EEF2: variants seen among roughly 807,000 people sequenced by gnomAD.
EEF2 encodes the protein eukaryotic translation elongation factor 2, also known as elongation factor 2.
Under a neutral mutation model 85.3 loss-of-function variants are expected in EEF2, and 21 were observed. The ratio of observed to expected loss-of-function variants is 0.25; its 90% CI spans 0.17 to 0.35. The LOEUF is 0.35. Ranked by LOEUF, EEF2 falls within the 10% of genes least tolerant of loss-of-function variation. The probability of loss-of-function intolerance (pLI) is 1.00; values close to 1 mark genes in which losing one functional copy is unlikely to be tolerated. For synonymous variants in EEF2, 723 were observed against 508.8 expected, an observed-to-expected ratio of 1.42 and a Z score of -5.67; for missense variants, 825 against 1,225.3, an observed-to-expected ratio of 0.67 and a Z score of 4.88.
At position 3,985,448 on chromosome 19, in the gene EEF2, G is replaced by A. The variant is rs1228051773; in HGVS notation, c.-68C>T. ...AGCGAGTCGCGCCGAGGATGGCGGC[G>A]ACGACGGCGGAAGAGAACGCTGACG... On this transcript the variant is annotated 5_prime_UTR_variant, in exon 1 of 15. Transcript: ENST00000309311. The A allele has an allele frequency of 2.8e-6, 4 of 1,428,100 alleles. No homozygotes were observed. The highest frequency in any genetic ancestry group is 2.8e-5 in the East Asian group (1 of 36,208). The allele number at this position is 1,428,100 out of a possible 1,614,324, so 88.5% of individuals were successfully genotyped here.
chr19:3,977,734 G>C lies in EEF2; in HGVS notation c.2067+85C>G. On this transcript the variant is annotated intron_variant, in intron 12 of 14. Coordinates refer to ENST00000309311, the MANE Select transcript of EEF2 (RefSeq NM_001961.4). The surrounding 1 kb of genome is among the most constrained non-coding windows in gnomAD (Gnocchi z 5.4). ...GCCTTGCCCGCCTTGGCCCCATTAG[G>C]GTCTCTGTCTCGGGAGGCAGGACCA... is the stretch of plus-strand genomic sequence containing the variant. The C allele has an allele frequency of 6.7e-7, 1 of 1,493,072 alleles. No individual in the cohort carries two copies. The highest frequency in any genetic ancestry group is 2.2e-5 in the Admixed American group (1 of 45,258). 92.5% of individuals were successfully genotyped at this position (1,493,072 alleles called of 1,614,324 possible).
Position 3,983,026 on chromosome 19 carries a change from C to A in EEF2, c.401-8G>T. 6.2e-7 allele frequency: 1 copy of A among 1,612,806 alleles called. No homozygotes were observed. The highest frequency in any genetic ancestry group is 8.5e-7 in the Non-Finnish European group (1 of 1,179,816). On this transcript the variant is annotated splice_polypyrimidine_tract_variant and splice_region_variant and intron_variant, in intron 3 of 14. Transcript: ENST00000309311. The stretch of plus-strand genomic sequence containing the variant: ...CCGTCTGCACGCACACGCCTGGGGA[C>A]ACGGGGGACAGGGCGGCGCTGTCAT...
In EEF2 at chr19:3,982,325, C is replaced by A. The variant is rs575523824; in HGVS notation, c.712G>T (p.Ala238Ser). ...FAEMYVAKFA[A>S]KGEGQLGPAE... ...GGCCCCAACTGGCCCTCCCCCTTGG[C>A]GGCGAACTTGGCCACATACATCTCG... Residue 238 changes from alanine to serine, a missense_variant, in exon 5 of 15, where the codon GCC becomes TCC. Transcript: ENST00000309311. The A allele has an allele frequency of 2.5e-6, 4 of 1,614,144 alleles. No homozygotes were observed. The highest frequency in any genetic ancestry group is 1.7e-5 in the Admixed American group (1 of 60,020).
At chr19:3,981,647 G>A (rs933479835) in intron 6 of EEF2, among the ~76,000 whole-genome samples, 195 bp from the exon 7 acceptor site, 1 of 152,218 alleles carries the variant, frequency 6.6e-6, no homozygotes, top group African/African-American at 2.4e-5. Context: ...GTGGAGCAGA[G>A]GAAAAAGCCC....
rs891502708 is a variant in EEF2 at position 3,977,004 on chromosome 19, G to A, written c.2383+211C>T. On this transcript the variant is annotated intron_variant, in intron 14 of 14. Coordinates refer to ENST00000309311, the MANE Select transcript of EEF2 (RefSeq NM_001961.4). The surrounding 1 kb of genome is among the most constrained non-coding windows in gnomAD (Gnocchi z 5.4). Reference sequence around the variant, plus strand: ...GTAGGCCTTCAGAGCTCCAGGCCCAGAGCCCTTCTCACACTGGGGATAGGA... The same window carrying A: ...GTAGGCCTTCAGAGCTCCAGGCCCAAAGCCCTTCTCACACTGGGGATAGGA... 1.3e-5 allele frequency among the ~76,000 whole-genome samples: 2 copies of A among 152,198 alleles called. No homozygotes were observed. Among genetic ancestry groups the A allele is most frequent in the Non-Finnish European group, 2.9e-5 (2 of 68,028 alleles).
At position 3,981,441 on chromosome 19, in the gene EEF2, C is replaced by G; in HGVS notation, c.909G>C (p.Ala303=). The G allele has an allele frequency of 1.9e-6, 3 of 1,613,960 alleles. No homozygotes were observed. The highest frequency in any genetic ancestry group is 2.5e-6 in the Non-Finnish European group (3 of 1,179,936). ...TCTCCTCTTTCTTGAAATTCATGATCGCATCAAACACCTACATTCCCCACC... is the reference window on the plus strand; with the variant it reads ...TCTCCTCTTTCTTGAAATTCATGATGGCATCAAACACCTACATTCCCCACC... ...ILDPIFKVFD[A]IMNFKKEETA... is the part of the protein sequence containing the mutation. Residue 303 remains alanine, a synonymous_variant, in exon 7 of 15, where the codon GCG becomes GCC. Coordinates refer to ENST00000309311, the MANE Select transcript of EEF2 (RefSeq NM_001961.4).
In EEF2 at chr19:3,976,105, G is replaced by A. The variant is rs72631806; in HGVS notation, c.*449C>T. On this transcript the variant is annotated 3_prime_UTR_variant, in exon 15 of 15. Transcript: ENST00000309311. ...TCCAATGGCACTAGTACAGCTGGAG[G>A]TGCTCATGGTGACACCGCACAGGAC... 1,866 of 187,224 alleles carry A rather than the reference G, an allele frequency of 1.0e-2. 11 individuals carry two copies. The highest frequency in any genetic ancestry group is 0.015 in the Non-Finnish European group (1,339 of 88,432). The allele number at this position is 187,224 out of a possible 1,614,324, so 11.6% of individuals were successfully genotyped here. A position where few individuals can be genotyped will look rare whatever the true frequency, so the allele number is the denominator to read the frequency against.
At chr19:3,979,711 C>CA (rs2039722004) in intron 10 of EEF2, 97 bp downstream of exon 10, 1 of 1,522,880 alleles carries the variant, frequency 6.6e-7, no homozygotes, top group African/African-American at 1.4e-5. Context: ...CCAGTCACCC[C>CA]AATCCACCAA....
rs368819417 is a variant in EEF2 at position 3,977,876 on chromosome 19, C to T, written c.2010G>A (p.Gln670=). ...CACTGTCCTTGATCTCGTTGAGGTA[C>T]TGCACACCCTTGGTGATGTCGGTGA... The part of the protein sequence containing the change: ...NILTDITKGV[Q]YLNEIKDSVV... Residue 670 remains glutamine (Q), a synonymous_variant, in exon 12 of 15, where the codon CAG becomes CAA. Coordinates refer to ENST00000309311, the MANE Select transcript of EEF2 (RefSeq NM_001961.4). The surrounding 1 kb of genome is among the most constrained non-coding windows in gnomAD (Gnocchi z 5.4). 3.1e-6 allele frequency: 5 copies of T among 1,612,738 alleles called. No homozygotes were observed. The African/African-American group carries it at 6.7e-5, about 21-fold the overall frequency.
intron 1 of EEF2, 55 bp from the exon 2 acceptor site, chr19:3,984,405 G>C: frequency 1.3e-6 from 2 of 1,578,450 alleles, no homozygotes; most frequent in Non-Finnish European, 1.7e-6. Flanking sequence ...ACACAGCATG[G>C]CACGGAGCGT....
In EEF2 at chr19:3,984,286, G is replaced by C; in HGVS notation, c.68C>G (p.Ser23Cys). 1 of 1,614,230 alleles carries C rather than the reference G, an allele frequency of 6.2e-7. No homozygotes were observed. Among genetic ancestry groups the C allele is most frequent in the Non-Finnish European group, 8.5e-7 (1 of 1,180,034 alleles). The change falls in exon 2 of 15, where the codon TCT (serine) becomes TGT (cysteine). Residue 23 changes from serine (S) to cysteine (C), a missense_variant. Ser to Cys is a moderately radical substitution (Grantham distance 112, BLOSUM62 -1). Transcript: ENST00000309311. Reference sequence around the variant, plus strand: ...GCCATGGTCCACGTGGGCGATGACAGACATGTTGCGGATGTTGGCCTTCTT... The same window carrying C: ...GCCATGGTCCACGTGGGCGATGACACACATGTTGCGGATGTTGGCCTTCTT... Reference protein sequence around the residue: ...MDKKANIRNMSVIAHVDHGKS... With the variant: ...MDKKANIRNMCVIAHVDHGKS...
chr19:3,977,748 G>GA lies in EEF2; in HGVS notation c.2067+70dup. On this transcript the variant is annotated intron_variant, in intron 12 of 14. Transcript: ENST00000309311. The surrounding 1 kb of genome is among the most constrained non-coding windows in gnomAD (Gnocchi z 5.4). ...GGCCCCATTAGGGTCTCTGTCTCGG[G>GA]AGGCAGGACCATGAGGTCCCTCTAG... The GA allele has an allele frequency of 6.7e-7, 1 of 1,497,196 alleles. No homozygotes were observed. Among genetic ancestry groups the GA allele is most frequent in the Non-Finnish European group, 8.9e-7 (1 of 1,124,698 alleles). 92.7% of individuals were successfully genotyped at this position (1,497,196 alleles called of 1,614,324 possible).
chr19:3,981,030 C>A, intron 7 of EEF2, 51 bp from the exon 8 acceptor site: 2 of 1,537,712 alleles, frequency 1.3e-6, no homozygotes, highest in Non-Finnish European at 1.7e-6. Context: ...CCAGGATGGC[C>A]CCACCCCGTA....
At position 3,983,014 on chromosome 19, in the gene EEF2, C is replaced by A. The variant is rs1170725837; in HGVS notation, c.405G>T (p.Val135=). The A allele has an allele frequency of 3.7e-6, 6 of 1,612,902 alleles. No homozygotes were observed. The East Asian group carries it at 1.3e-4, about 36-fold the overall frequency. Residue 135 remains valine (V), a synonymous_variant, in exon 4 of 15, where the codon GTG becomes GTT. Transcript: ENST00000309311. ...GCAGCACTGTCTCCGTCTGCACGCA[C>A]ACGCCTGGGGACACGGGGGACAGGG... ...ALVVVDCVSG[V]CVQTETVLRQ...
chr19:3,981,937 CCTCA>C lies in EEF2; in HGVS notation c.897+6_897+9del, dbSNP rs751689473. 2.5e-6 allele frequency: 4 copies of C among 1,612,984 alleles called. No individual in the cohort carries two copies. In the South Asian group the frequency reaches 3.3e-5, roughly 13 times the overall value. ...GCATCGGCGGGGTGCCTGGCGCAGC[CCTCA>C]CTCACCTTGAAGATGGGGTCCAGGA... On this transcript the variant is annotated splice_donor_region_variant and intron_variant, in intron 6 of 14. Transcript: ENST00000309311.
In EEF2 at chr19:3,980,036, C is replaced by T. The variant is rs761309053; in HGVS notation, c.1377G>A (p.Glu459=). The change falls in exon 10 of 15, where the codon GAG becomes GAA. Residue 459 remains glutamate, a synonymous_variant. Transcript: ENST00000309311. ...RTILMMGRYV[E]PIEDVPCGNI... ...TCCCACAAGGCACATCCTCGATGGG[C>T]TCCACGTAGCGGCCCATCATCAAGA... 2.5e-6 allele frequency: 4 copies of T among 1,613,476 alleles called. No homozygotes were observed. Among genetic ancestry groups the T allele is most frequent in the South Asian group, 1.1e-5 (1 of 91,084 alleles).
chr19:3,984,390 C>T, intron 1 of EEF2, 40 bp from the exon 2 acceptor site: 1 of 1,598,590 alleles, frequency 6.3e-7, no homozygotes. Context: ...TCGTGATTTC[C>T]AGGAACACAG....
Position 3,977,069 on chromosome 19 carries a change from C to T in EEF2, c.2383+146G>A. 1 of 1,240,022 alleles carries T rather than the reference C, an allele frequency of 8.1e-7. No homozygotes were observed. Among genetic ancestry groups the T allele is most frequent in the Non-Finnish European group, 1.1e-6 (1 of 910,942 alleles). 76.8% of individuals were successfully genotyped at this position (1,240,022 alleles called of 1,614,324 possible). ...GGAATTCAGTGATTTAGGGGGTCCA[C>T]AAGCTGTCAGAAACTGGACCACCTG... On this transcript the variant is annotated intron_variant, in intron 14 of 14. Transcript: ENST00000309311. The surrounding 1 kb of genome is among the most constrained non-coding windows in gnomAD (Gnocchi z 5.4).
intron 8 of EEF2, 22 bp downstream of exon 8, chr19:3,980,819 C>A: frequency 6.3e-7 from 1 of 1,577,022 alleles, no homozygotes; most frequent in East Asian, 2.3e-5. Context: ...CATCTCAGGG[C>A]CCGGCCACCG....
Sources: gnomAD v4.1 joint callset for allele counts (sites outside exome capture counted in the v4.1 genomes callset) on GRCh38, gnomAD v4.1.1 for gene constraint, Gnocchi (gnomAD v3.1) non-coding constraint, MANE v1.5 for transcripts, NCBI Gene and HGNC (gene_info 2026-07-23, HGNC 2026-07-21) for gene names.